Variants in LAMA2 observed in about 807,000 individuals in gnomAD.
LAMA2 encodes the protein laminin subunit alpha 2, also known as laminin subunit alpha-2.
Under a neutral mutation model 364.8 loss-of-function variants are expected in LAMA2, and 269 were observed. That is an observed-to-expected ratio of 0.74 (90% CI 0.67 to 0.82). LAMA2 has a LOEUF of 0.82. Ranked by LOEUF, LAMA2 falls within the 40% of genes least tolerant of loss-of-function variation. The pLI is 0.00. For missense variants in LAMA2, 3,807 were observed against 3,873.2 expected, an observed-to-expected ratio of 0.98 and a Z score of 0.45; for synonymous variants, 1,379 against 1,370.6, an observed-to-expected ratio of 1.01 and a Z score of -0.14.
intron 3 of LAMA2, among the ~76,000 whole-genome samples, chr6:129,083,571 C>T (rs748106279): frequency 1.3e-5 from 2 of 152,148 alleles, no homozygotes; most frequent in African/African-American, 2.4e-5. Context: ...AATCAAATGA[C>T]TGTTGATGGG....
At chr6:129,323,410 A>G (rs371377683) in intron 28 of LAMA2, among the ~76,000 whole-genome samples, 102 of 152,334 alleles carry the variant, frequency 6.7e-4, no homozygotes, top group African/African-American at 2.2e-3. Flanking sequence ...CTGCTAAAAT[A>G]TAGCCAGTTG....
At chr6:129,023,846 C>T (rs1785614521) in intron 1 of LAMA2, among the ~76,000 whole-genome samples, 1 of 152,096 alleles carries the variant, frequency 6.6e-6, no homozygotes, top group South Asian at 2.1e-4. Flanking sequence ...ATTTTATTTA[C>T]TTATAAGTCA....
At chr6:129,026,460 G>T (rs2114724905) in intron 1 of LAMA2, among the ~76,000 whole-genome samples, 1 of 152,234 alleles carries the variant, frequency 6.6e-6, no homozygotes, top group East Asian at 1.9e-4. Flanking sequence ...TACACATTTA[G>T]AAAGAAGTTC....
At chr6:129,226,149 T>A (rs547935373) in intron 12 of LAMA2, among the ~76,000 whole-genome samples, 13 of 152,278 alleles carry the variant, frequency 8.5e-5, no homozygotes, top group East Asian at 5.8e-4. Flanking sequence ...AGAGACTAGG[T>A]TTGCAACCCC....
chr6:129,184,206 T>C (rs974697399), intron 10 of LAMA2, among the ~76,000 whole-genome samples: 1 of 151,944 alleles, frequency 6.6e-6, no homozygotes, highest in African/African-American at 2.4e-5. Context: ...TCTTTTTCAT[T>C]TGTGTACAGG....
At chr6:129,089,046 C>A (rs1189800026) in intron 3 of LAMA2, among the ~76,000 whole-genome samples, 1 of 152,244 alleles carries the variant, frequency 6.6e-6, no homozygotes, top group Non-Finnish European at 1.5e-5. Context: ...GTGAACGAGA[C>A]TCCGTCTGCA....
At chr6:129,404,740 G>T (rs6900181) in intron 40 of LAMA2, among the ~76,000 whole-genome samples, 76,123 of 151,664 alleles carry the variant, frequency 0.5, 19,589 homozygotes, top group African/African-American at 0.62. Context: ...AGAATTTTTT[G>T]GGGGAGAAAT....
At chr6:128,966,019 A>G (rs1243857789) in intron 1 of LAMA2, among the ~76,000 whole-genome samples, 1 of 122,518 alleles carries the variant, frequency 8.2e-6, no homozygotes, top group Admixed American at 9.2e-5. Flanking sequence ...TGACTATTCT[A>G]AAACACTTTT....
intron 7 of LAMA2, among the ~76,000 whole-genome samples, chr6:129,149,478 A>AT (rs897745737): frequency 5.3e-5 from 8 of 152,214 alleles, no homozygotes; most frequent in African/African-American, 1.7e-4. Context: ...CCCTAACCAC[A>AT]TTTTTTTCAG....
At chr6:129,123,033 G>A (rs1478728797) in intron 4 of LAMA2, among the ~76,000 whole-genome samples, 1 of 152,126 alleles carries the variant, frequency 6.6e-6, no homozygotes, top group Non-Finnish European at 1.5e-5. Context: ...CGGGTGTGGT[G>A]GCTCAAGCCT....
At chr6:129,007,010 C>A (rs1305783747) in intron 1 of LAMA2, among the ~76,000 whole-genome samples, 1 of 152,028 alleles carries the variant, frequency 6.6e-6, no homozygotes, top group East Asian at 1.9e-4. Context: ...GAACAACCAC[C>A]CCTTTGTGCT....
intron 43 of LAMA2, 63 bp downstream of exon 43, chr6:129,441,061 G>C: frequency 3.5e-6 from 5 of 1,424,818 alleles, no homozygotes; most frequent in Non-Finnish European, 3.9e-6. Flanking sequence ...AAGTATCCCA[G>C]ACCTGTAAAT....
intron 31 of LAMA2, among the ~76,000 whole-genome samples, chr6:129,350,704 A>G (rs966491710): frequency 7.2e-5 from 11 of 152,234 alleles, no homozygotes; most frequent in Admixed American, 2.0e-4. Context: ...CTTTGTAAAT[A>G]TAAACTAATA....
chr6:129,156,907 C>T lies in LAMA2; in HGVS notation c.1206+2224C>T, dbSNP rs571048670. ...TTGCATTTTTAAAGCACAAAACCAC[C>T]GGCCACCAATATCTTCCTGTGCATG... On this transcript the variant is annotated intron_variant, in intron 8 of 64. Transcript: ENST00000421865. 4.0e-3 allele frequency among the ~76,000 whole-genome samples: 612 copies of T among 152,140 alleles called. 6 individuals are homozygous for T. Among genetic ancestry groups the T allele is most frequent in the Non-Finnish European group, 5.6e-3 (379 of 68,002 alleles).
intron 34 of LAMA2, among the ~76,000 whole-genome samples, chr6:129,375,653 C>T (rs1778329772): frequency 6.6e-6 from 1 of 152,152 alleles, no homozygotes; most frequent in Admixed American, 6.5e-5. Context: ...CCTTCAAAGT[C>T]GGTGTTCCTT....
chr6:128,960,880 T>C (rs970974477), intron 1 of LAMA2, among the ~76,000 whole-genome samples: 22 of 152,166 alleles, frequency 1.4e-4, no homozygotes, highest in African/African-American at 5.1e-4. Flanking sequence ...TTTGAAGTTT[T>C]TAATATTATT....
At chr6:129,283,173 A>G (rs1463918203) in intron 18 of LAMA2, among the ~76,000 whole-genome samples, 1 of 152,166 alleles carries the variant, frequency 6.6e-6, no homozygotes, top group Non-Finnish European at 1.5e-5. Flanking sequence ...GAAGGTATTC[A>G]TGATGATACC....
intron 11 of LAMA2, 110 bp from the exon 12 acceptor site, chr6:129,192,570 G>T (rs1032576474): frequency 1.0e-4 from 103 of 1,028,786 alleles, no homozygotes; most frequent in Non-Finnish European, 1.2e-4. Flanking sequence ...TTGTGGTTTG[G>T]TTTTTTTTGT....
At chr6:129,032,951 G>A (rs1786343680) in intron 1 of LAMA2, among the ~76,000 whole-genome samples, 1 of 152,104 alleles carries the variant, frequency 6.6e-6, no homozygotes. Context: ...GGATTAGAAC[G>A]CTGAAAACCA....
Sources: allele counts gnomAD v4.1 joint callset (sites outside exome capture counted in the v4.1 genomes callset), GRCh38; gene constraint gnomAD v4.1.1; transcripts MANE v1.5; gene names NCBI Gene and HGNC (gene_info 2026-07-23, HGNC 2026-07-21).